Variants in FA2H observed in about 807,000 individuals in gnomAD.
The protein encoded by FA2H is fatty acid alpha-hydroxylase.
A neutral mutation model predicts 44.9 loss-of-function variants in FA2H; 22 were observed. The ratio of observed to expected loss-of-function variants is 0.49; its 90% CI spans 0.35 to 0.70. The LOEUF (loss-of-function observed/expected upper bound fraction) is 0.70. Among genes scored for constraint, FA2H ranks in the 30% least tolerant of loss-of-function variants. FA2H has a pLI of 0.01. For synonymous variants in FA2H, 243 were observed against 213.2 expected (o/e 1.14, Z -1.22); for missense variants, 501 against 504.9 (o/e 0.99, Z 0.07).
intron 2 of FA2H, 26 bp from the exon 3 acceptor site, chr16:74,727,412 G>A (rs779362846): frequency 3.1e-6 from 5 of 1,613,160 alleles, no homozygotes; most frequent in Non-Finnish European, 4.2e-6. Flanking sequence ...CCAAGTGGAC[G>A]TTTGATATTC....
chr16:74,756,852 T>C (rs1466788086), intron 1 of FA2H, among the ~76,000 whole-genome samples: 1 of 150,116 alleles, frequency 6.7e-6, no homozygotes, highest in African/African-American at 2.5e-5. Context: ...ACCCCATCCC[T>C]CCAAAAAAAA....
chr16:74,768,981 C>T (rs888488679), intron 1 of FA2H, among the ~76,000 whole-genome samples: 6 of 152,202 alleles, frequency 3.9e-5, no homozygotes, highest in African/African-American at 1.4e-4. Context: ...TATCTGCCAA[C>T]GGTAGGACCT....
rs745825786 is a variant in FA2H at position 74,715,691 on chromosome 16, T to C, written c.1039+656A>G. On this transcript the variant is annotated intron_variant, in intron 6 of 6. Transcript: ENST00000219368. ...TTTTCATCTGTTTATTTTCATGTCTTAGTGTGGCCACTAGAAAATTTAAAA... is the reference window on the plus strand; with the variant it reads ...TTTTCATCTGTTTATTTTCATGTCTCAGTGTGGCCACTAGAAAATTTAAAA... 6.3e-4 allele frequency among the ~76,000 whole-genome samples: 96 copies of C among 152,378 alleles called. 1 individual carries two copies. The highest frequency in any genetic ancestry group is 1.1e-3 in the Non-Finnish European group (76 of 68,044).
At chr16:74,754,131 C>T (rs888942760) in intron 1 of FA2H, among the ~76,000 whole-genome samples, 1 of 152,178 alleles carries the variant, frequency 6.6e-6, no homozygotes, top group Non-Finnish European at 1.5e-5. Context: ...CACAGTGGCT[C>T]ACGCCTGTAA....
At chr16:74,729,380 G>A (rs998448149) in intron 2 of FA2H, among the ~76,000 whole-genome samples, 9 of 152,146 alleles carry the variant, frequency 5.9e-5, no homozygotes, top group African/African-American at 2.2e-4. Flanking sequence ...GGGCTCAAGC[G>A]ATCCTCCTGC....
chr16:74,770,590 C>T (rs993336468), intron 1 of FA2H, among the ~76,000 whole-genome samples: 4 of 152,234 alleles, frequency 2.6e-5, no homozygotes, highest in Non-Finnish European at 4.4e-5. Flanking sequence ...AGGCTGGTCT[C>T]GAACTCCTGG....
At chr16:74,756,514 G>T (rs186028960) in intron 1 of FA2H, among the ~76,000 whole-genome samples, 1 of 152,066 alleles carries the variant, frequency 6.6e-6, no homozygotes, top group Admixed American at 6.6e-5. Context: ...GACTGTGTTC[G>T]CCAAGGCTGG....
In FA2H at chr16:74,766,699, AG is replaced by A. The variant is rs1962815658; in HGVS notation, c.270+7786del. Among the ~76,000 whole-genome samples the A allele has an allele frequency of 7.2e-5, 11 of 152,294 alleles. No individual in the cohort carries two copies. In the South Asian group the frequency reaches 2.3e-3, roughly 32 times the overall value. ...CCAAGCCATTGGCTCTTCTTGCTCCAGTTACTCCCCATTTTCTCCCTCTGCC... is the reference window on the plus strand; with the variant it reads ...CCAAGCCATTGGCTCTTCTTGCTCCATTACTCCCCATTTTCTCCCTCTGCC... On this transcript the variant is annotated intron_variant, in intron 1 of 6. Coordinates refer to ENST00000219368, the MANE Select transcript of FA2H (RefSeq NM_024306.5).
chr16:74,740,994 T>C (rs1382269245), intron 1 of FA2H, among the ~76,000 whole-genome samples: 1 of 152,000 alleles, frequency 6.6e-6, no homozygotes, highest in Non-Finnish European at 1.5e-5. Context: ...ACACGTGGGG[T>C]GGGATTGGCA....
At chr16:74,740,620 AAATAATAATAAT>A (rs71378704) in intron 1 of FA2H, among the ~76,000 whole-genome samples, 3,062 of 135,362 alleles carry the variant, frequency 0.023, 74 homozygotes, top group African/African-American at 0.05. Flanking sequence ...CTCCATCTCA[AAATAATAATAAT>A]AATAATAATA....
chr16:74,765,042 T>C (rs551676657), intron 1 of FA2H, among the ~76,000 whole-genome samples: 3 of 152,354 alleles, frequency 2.0e-5, no homozygotes, highest in Admixed American at 2.0e-4. Context: ...GCTAACTCTC[T>C]CCGGCTGCAA....
At chr16:74,738,356 G>A (rs1464006304) in intron 2 of FA2H, among the ~76,000 whole-genome samples, 1 of 152,146 alleles carries the variant, frequency 6.6e-6, no homozygotes, top group Non-Finnish European at 1.5e-5. Context: ...AGGTGACGGT[G>A]GCACAGCCTG....
intron 1 of FA2H, among the ~76,000 whole-genome samples, chr16:74,742,459 C>T (rs562359293): frequency 8.5e-5 from 13 of 152,100 alleles, no homozygotes; most frequent in Non-Finnish European, 1.8e-4. Flanking sequence ...GCCCTTCGGC[C>T]GAGTACATAG....
intron 1 of FA2H, among the ~76,000 whole-genome samples, chr16:74,748,136 T>G (rs1962459955): frequency 6.6e-6 from 1 of 152,242 alleles, no homozygotes; most frequent in South Asian, 2.1e-4. Flanking sequence ...GGTCCGTTCC[T>G]AGCCCACTGC....
intron 1 of FA2H, among the ~76,000 whole-genome samples, chr16:74,745,134 T>A (rs1391685790): frequency 1.3e-5 from 2 of 152,202 alleles, no homozygotes; most frequent in Non-Finnish European, 2.9e-5. Flanking sequence ...CAGGCCTCTC[T>A]GCCTTGGGAA....
At chr16:74,725,554 C>T (rs1961934567) in intron 4 of FA2H, among the ~76,000 whole-genome samples, 1 of 152,234 alleles carries the variant, frequency 6.6e-6, no homozygotes. Flanking sequence ...CACATCCTAG[C>T]CACACGCCTT....
At chr16:74,721,874 C>T (rs1961847827) in intron 4 of FA2H, among the ~76,000 whole-genome samples, 1 of 152,228 alleles carries the variant, frequency 6.6e-6, no homozygotes, top group Non-Finnish European at 1.5e-5. Context: ...GAGGTGTGCA[C>T]CGGCACGCGG....
intron 2 of FA2H, among the ~76,000 whole-genome samples, chr16:74,730,337 C>T (rs535624705): frequency 6.7e-6 from 1 of 150,142 alleles, no homozygotes; most frequent in Non-Finnish European, 1.5e-5. Flanking sequence ...TCACTTCCTG[C>T]TTCTCAGGCT....
At chr16:74,767,108 A>G (rs1263029504) in intron 1 of FA2H, among the ~76,000 whole-genome samples, 1 of 152,182 alleles carries the variant, frequency 6.6e-6, no homozygotes, top group Non-Finnish European at 1.5e-5. Context: ...TAAGAGATCA[A>G]GATCATCCTG....
Sources: allele counts gnomAD v4.1 joint callset (sites outside exome capture counted in the v4.1 genomes callset), GRCh38; gene constraint gnomAD v4.1.1; transcripts MANE v1.5; gene names NCBI Gene and HGNC (gene_info 2026-07-23, HGNC 2026-07-21).